The following NBEA variants were observed in gnomAD, a reference collection of about 807,000 sequenced individuals.
The protein encoded by NBEA is lysosomal-trafficking regulator 2.
Under a neutral mutation model 343.4 loss-of-function variants are expected in NBEA, and 44 were observed. The ratio of observed to expected loss-of-function variants is 0.13; its 90% CI spans 0.10 to 0.16. The LOEUF (loss-of-function observed/expected upper bound fraction) is 0.16, where lower values mean the gene tolerates loss of function less well. Among genes scored for constraint, NBEA ranks in the 10% least tolerant of loss-of-function variants. The probability of loss-of-function intolerance (pLI) is 1.00; values close to 1 mark genes in which losing one functional copy is unlikely to be tolerated. For missense variants in NBEA, 2,555 were observed against 3,631.3 expected (o/e 0.70, Z 7.62); for synonymous variants, 1,175 against 1,238.7 (o/e 0.95, Z 1.08).
At chr13:35,228,593 C>T (rs2074797461) in intron 33 of NBEA, among the ~76,000 whole-genome samples, 1 of 151,982 alleles carries the variant, frequency 6.6e-6, no homozygotes, top group Non-Finnish European at 1.5e-5. Flanking sequence ...ATTCTATGTC[C>T]ATGTGTATAC....
chr13:35,250,063 G>A (rs983620517), intron 34 of NBEA, among the ~76,000 whole-genome samples: 1 of 152,142 alleles, frequency 6.6e-6, no homozygotes, highest in Admixed American at 6.6e-5. Context: ...TTATTTGCCA[G>A]TGACTGGGGG....
intron 24 of NBEA, among the ~76,000 whole-genome samples, chr13:35,168,409 G>A (rs1461993519): frequency 6.6e-6 from 1 of 151,366 alleles, no homozygotes; most frequent in Non-Finnish European, 1.5e-5. Flanking sequence ...AGTATATCAA[G>A]TTATTTTCTA....
At chr13:35,176,431 A>G (rs938223575) in intron 27 of NBEA, among the ~76,000 whole-genome samples, 6 of 152,066 alleles carry the variant, frequency 3.9e-5, no homozygotes, top group East Asian at 3.8e-4. Context: ...GTAGTCTACT[A>G]TGTGACTACA....
At chr13:35,307,719 A>G (rs2036991816) in intron 35 of NBEA, among the ~76,000 whole-genome samples, 1 of 152,072 alleles carries the variant, frequency 6.6e-6, no homozygotes, top group Non-Finnish European at 1.5e-5. Flanking sequence ...TGTAAAAATC[A>G]ATTTTCTCTT....
At chr13:35,574,029 C>T (rs1006777242) in intron 45 of NBEA, among the ~76,000 whole-genome samples, 22 of 152,120 alleles carry the variant, frequency 1.4e-4, no homozygotes, top group Non-Finnish European at 7.4e-5. Flanking sequence ...ATTTAAGATG[C>T]TCTACTGTTT....
At chr13:35,025,063 C>A (rs1398575069) in intron 1 of NBEA, among the ~76,000 whole-genome samples, 1 of 152,052 alleles carries the variant, frequency 6.6e-6, no homozygotes, top group Admixed American at 6.6e-5. Flanking sequence ...CTTATAGATT[C>A]TAGATATTAG....
intron 38 of NBEA, among the ~76,000 whole-genome samples, chr13:35,431,503 C>A (rs904291262): frequency 1.3e-5 from 2 of 152,100 alleles, no homozygotes; most frequent in Non-Finnish European, 2.9e-5. Context: ...TCTGAAATAT[C>A]TCTTGGATTT....
intron 49 of NBEA, among the ~76,000 whole-genome samples, chr13:35,631,546 C>A (rs1425358140): frequency 6.7e-6 from 1 of 149,622 alleles, no homozygotes; most frequent in Non-Finnish European, 1.5e-5. Flanking sequence ...TAAACTCCAT[C>A]TAGCCTAAGA....
At chr13:35,621,469 A>G (rs1347014098) in intron 48 of NBEA, among the ~76,000 whole-genome samples, 3 of 151,934 alleles carry the variant, frequency 2.0e-5, no homozygotes, top group African/African-American at 7.3e-5. Context: ...CCTACTCCCC[A>G]TCCTGCTTTT....
intron 56 of NBEA, among the ~76,000 whole-genome samples, chr13:35,665,601 A>C: frequency 6.7e-6 from 1 of 150,200 alleles, no homozygotes; most frequent in Non-Finnish European, 1.5e-5. Flanking sequence ...GGTGGAAAGG[A>C]AACAAAGATT....
intron 1 of NBEA, among the ~76,000 whole-genome samples, chr13:35,010,609 A>G (rs1304420820): frequency 6.8e-6 from 1 of 147,368 alleles, no homozygotes; most frequent in African/African-American, 2.5e-5. Context: ...TGGGCCAGGC[A>G]TGGTGGCTCG....
rs374263622 is a variant in NBEA at position 35,048,580 on chromosome 13, T to C, written c.741T>C (p.Pro247=). 13 of 1,607,232 alleles carry C rather than the reference T, an allele frequency of 8.1e-6. No individual in the cohort carries two copies. Among genetic ancestry groups the C allele is most frequent in the South Asian group, 2.2e-5 (2 of 90,404 alleles). The change falls in exon 5 of 59, where the codon CCT becomes CCC. Residue 247 remains proline (P), a synonymous_variant. Coordinates refer to ENST00000379939, the MANE Select transcript of NBEA (RefSeq NM_001385012.1). The stretch of plus-strand genomic sequence containing the variant: ...CCTTGTAGGCAATTGCCTTGCCTCC[T>C]ATTGCAAAGTGGCCTTATCAGAATG... ...GCSAAAIALP[P]IAKWPYQNGF...
At chr13:35,655,824 A>G in intron 55 of NBEA, 75 bp downstream of exon 55, 4 of 1,396,188 alleles carry the variant, frequency 2.9e-6, no homozygotes, top group East Asian at 2.5e-5. Context: ...GATTTTCCTA[A>G]TAGTTTTTTC....
chr13:35,137,834 A>G, intron 17 of NBEA, among the ~76,000 whole-genome samples: 1 of 152,188 alleles, frequency 6.6e-6, no homozygotes, highest in East Asian at 1.9e-4. Context: ...AATCATTTTA[A>G]AATGCTATAG....
intron 38 of NBEA, among the ~76,000 whole-genome samples, chr13:35,416,752 A>C (rs2043937295): frequency 6.6e-6 from 1 of 152,194 alleles, no homozygotes. Context: ...TTGGCCTCAT[A>C]AAATGAATTA....
intron 1 of NBEA, among the ~76,000 whole-genome samples, chr13:34,978,253 C>G (rs904727542): frequency 6.6e-6 from 1 of 152,188 alleles, no homozygotes. Context: ...TTGGTTCTGG[C>G]ACACAGACTT....
At chr13:35,517,574 C>T (rs1444571653) in intron 41 of NBEA, among the ~76,000 whole-genome samples, 1 of 152,210 alleles carries the variant, frequency 6.6e-6, no homozygotes, top group Non-Finnish European at 1.5e-5. Flanking sequence ...AAGCCTCTCC[C>T]ACCTCTTTAG....
At chr13:35,039,367 G>A (rs961292192) in intron 1 of NBEA, among the ~76,000 whole-genome samples, 4 of 152,252 alleles carry the variant, frequency 2.6e-5, no homozygotes, top group African/African-American at 9.6e-5. Flanking sequence ...GCTTTTTTCT[G>A]TGTAGTTGTT....
intron 1 of NBEA, among the ~76,000 whole-genome samples, chr13:35,035,783 A>G (rs2152553392): frequency 6.6e-6 from 1 of 151,800 alleles, no homozygotes; most frequent in South Asian, 2.1e-4. Context: ...GTCTCTTTTT[A>G]TAGTTTTTGT....
Sources: allele counts gnomAD v4.1 joint callset (sites outside exome capture counted in the v4.1 genomes callset), GRCh38; gene constraint gnomAD v4.1.1; transcripts MANE v1.5; gene names NCBI Gene and HGNC (gene_info 2026-07-23, HGNC 2026-07-21).